The following PNISR variants were observed in gnomAD, a reference collection of about 807,000 sequenced individuals.
PNISR encodes the protein arginine/serine-rich protein PNISR.
PNISR carries 20 observed loss-of-function variants against 93.4 expected under a neutral mutation model. The ratio of observed to expected loss-of-function variants is 0.21; its 90% confidence interval spans 0.15 to 0.31. PNISR has a LOEUF of 0.31. PNISR is among the 10% of genes least tolerant of loss of function. PNISR has a pLI of 1.00. For synonymous variants in PNISR, 305 were observed against 306.5 expected (o/e 0.99, Z 0.05); for missense variants, 893 against 985.4 (o/e 0.91, Z 1.25).
intron 1 of PNISR, among the ~76,000 whole-genome samples, chr6:99,419,879 A>T (rs566468814): frequency 6.6e-6 from 1 of 151,488 alleles, no homozygotes; most frequent in African/African-American, 2.4e-5. Flanking sequence ...TTTTCTATAC[A>T]TAACTGCATT....
intron 4 of PNISR, 54 bp from the exon 5 acceptor site, chr6:99,411,018 C>T (rs1240665021): frequency 1.5e-6 from 2 of 1,331,100 alleles, no homozygotes; most frequent in Non-Finnish European, 2.1e-6. Flanking sequence ...ACAAAATCAA[C>T]ACAGAATTTT....
rs1779339941 is a variant in PNISR, at chr6:99,425,185, G to A, written c.-112+30C>T. 4 of 1,221,426 alleles carry A rather than the reference G, an allele frequency of 3.3e-6. No individual in the cohort carries two copies. In the African/African-American group the frequency reaches 4.7e-5, roughly 14 times the overall value. 75.7% of individuals were successfully genotyped at this position (1,221,426 alleles called of 1,614,324 possible). On this transcript the variant is annotated intron_variant, in intron 1 of 11. Coordinates refer to ENST00000369239, the MANE Select transcript of PNISR (RefSeq NM_032870.4). ...AGAACGTTGTAATGGTCCGGCAAGT[G>A]CCCACGTATAATTGTTCTCCATCAC...
rs550706477 is a variant in PNISR, at chr6:99,411,511, C to G, written c.278-547G>C. On this transcript the variant is annotated intron_variant, in intron 4 of 11. Transcript: ENST00000369239. ...TTAAACTTAGGAACTAAAACATTTT[C>G]AAATGTGGGGAAATTTCACTTTCAA... Among the ~76,000 whole-genome samples, 12 of 152,288 alleles carry G rather than the reference C, an allele frequency of 7.9e-5. No homozygotes were observed. In the South Asian group the frequency reaches 2.5e-3, roughly 32 times the overall value.
chr6:99,402,829 C>T (rs1359788533), intron 10 of PNISR, 119 bp from the exon 11 acceptor site: 1 of 712,020 alleles, frequency 1.4e-6, no homozygotes, highest in Non-Finnish European at 2.2e-6. Flanking sequence ...GAAGAATACG[C>T]TTATTCGGGG....
At chr6:99,404,822 A>G in intron 8 of PNISR, 120 bp from the exon 9 acceptor site, 1 of 583,304 alleles carries the variant, frequency 1.7e-6, no homozygotes, top group Non-Finnish European at 3.1e-6. Flanking sequence ...TCTGTTGCCC[A>G]GGCTGGATCA....
In PNISR at chr6:99,414,690, T is replaced by C. The variant is rs1286022320; in HGVS notation, c.-31A>G. ...CTTTTAAAATATACTTGATTTTCTA[T>C]CTTCAATAAATTAAACATAGTTTAA... On this transcript the variant is annotated splice_region_variant and 5_prime_UTR_variant, in exon 3 of 12. Transcript: ENST00000369239. 4 of 1,389,870 alleles carry C rather than the reference T, an allele frequency of 2.9e-6. No individual in the cohort carries two copies. The highest frequency in any genetic ancestry group is 1.9e-5 in the Admixed American group (1 of 53,044). The allele number at this position is 1,389,870 out of a possible 1,614,324, so 86.1% of individuals were successfully genotyped here.
intron 10 of PNISR, 26 bp from the exon 11 acceptor site, chr6:99,402,736 A>G: frequency 4.7e-6 from 7 of 1,500,566 alleles, no homozygotes; most frequent in Non-Finnish European, 6.3e-6. Context: ...TCAGTCTATC[A>G]TATGAAAAAA....
chr6:99,406,542 A>G (rs1776176535), intron 7 of PNISR, among the ~76,000 whole-genome samples: 1 of 152,200 alleles, frequency 6.6e-6, no homozygotes, highest in Non-Finnish European at 1.5e-5. Context: ...AATGGACCAT[A>G]GACATATTAT....
chr6:99,409,163 A>G lies in PNISR; in HGVS notation c.673+10T>C. ...CAATTGTGGTCCACTAAACTAAGTT[A>G]AATAGCTACCAATTTGTGGAGGCTC... is the stretch of plus-strand genomic sequence containing the variant. On this transcript the variant is annotated intron_variant, in intron 6 of 11. Coordinates refer to ENST00000369239, the MANE Select transcript of PNISR (RefSeq NM_032870.4). 6.2e-7 allele frequency: 1 copy of G among 1,610,218 alleles called. No homozygotes were observed. Among genetic ancestry groups the G allele is most frequent in the Non-Finnish European group, 8.5e-7 (1 of 1,176,700 alleles).
intron 6 of PNISR, 72 bp downstream of exon 6, chr6:99,409,101 A>C: frequency 8.1e-7 from 1 of 1,239,214 alleles, no homozygotes; most frequent in Non-Finnish European, 1.2e-6. Context: ...ATTTTAAGAA[A>C]ACAAGACATC....
In PNISR at chr6:99,403,888, T is replaced by C; in HGVS notation, c.1103-6A>G. ...TGCCAGCTGTTTTGCAGGAGCTTTG[T>C]ATCACATCAACAACAGGAACAACAT... On this transcript the variant is annotated splice_polypyrimidine_tract_variant and splice_region_variant and intron_variant, in intron 9 of 11. Coordinates refer to ENST00000369239, the MANE Select transcript of PNISR (RefSeq NM_032870.4). 1.2e-6 allele frequency: 2 copies of C among 1,610,354 alleles called. No individual in the cohort carries two copies. The highest frequency in any genetic ancestry group is 1.7e-6 in the Non-Finnish European group (2 of 1,177,038).
chr6:99,419,290 A>G (rs1778232183), intron 1 of PNISR, among the ~76,000 whole-genome samples: 1 of 151,768 alleles, frequency 6.6e-6, no homozygotes, highest in Non-Finnish European at 1.5e-5. Flanking sequence ...GTGAATATTC[A>G]TACCATAATT....
At chr6:99,405,427 A>C (rs1275785708) in intron 8 of PNISR, among the ~76,000 whole-genome samples, 1 of 151,970 alleles carries the variant, frequency 6.6e-6, no homozygotes, top group Non-Finnish European at 1.5e-5. Flanking sequence ...AGATCCTGCC[A>C]TTGCACTCCA....
chr6:99,420,426 C>T (rs1371803606), intron 1 of PNISR, among the ~76,000 whole-genome samples: 1 of 152,204 alleles, frequency 6.6e-6, no homozygotes, highest in Non-Finnish European at 1.5e-5. Flanking sequence ...TATGTTTCAG[C>T]ACATAGCACA....
intron 5 of PNISR, chr6:99,410,499 A>AT (rs1425915723): frequency 2.1e-6 from 1 of 485,890 alleles, no homozygotes; most frequent in Non-Finnish European, 3.7e-6. Context: ...GCACTTATAC[A>AT]TTTTTAATTT....
chr6:99,400,485 G>T lies in PNISR; in HGVS notation c.*55C>A. 6.4e-7 allele frequency: 1 copy of T among 1,558,638 alleles called. No homozygotes were observed. On this transcript the variant is annotated 3_prime_UTR_variant, in exon 12 of 12. Coordinates refer to ENST00000369239, the MANE Select transcript of PNISR (RefSeq NM_032870.4). The stretch of plus-strand genomic sequence containing the variant: ...AGAGAGAAAGGACACTTTCAACTTT[G>T]AATAAATTCAGTCAATTTTTTTTAA...
intron 1 of PNISR, among the ~76,000 whole-genome samples, chr6:99,419,291 T>C (rs1386912657): frequency 1.4e-5 from 2 of 147,406 alleles, no homozygotes; most frequent in African/African-American, 5.0e-5. Flanking sequence ...TGAATATTCA[T>C]ACCATAATTC....
chr6:99,400,416 G>A lies in PNISR; in HGVS notation c.*124C>T, dbSNP rs1389366115. 3.8e-6 allele frequency: 5 copies of A among 1,328,416 alleles called. No homozygotes were observed. In the African/African-American group the frequency reaches 5.9e-5, roughly 16 times the overall value. 82.3% of individuals were successfully genotyped at this position (1,328,416 alleles called of 1,614,324 possible). A position where few individuals can be genotyped will look rare whatever the true frequency, so the allele number is the denominator to read the frequency against. On this transcript the variant is annotated 3_prime_UTR_variant, in exon 12 of 12. Transcript: ENST00000369239. ...ATTATATAGGATTTCTAACATTTAA[G>A]ACTATGATTATTTATCAAGTACCAA...
rs1775250089 is a variant in PNISR at position 99,399,809 on chromosome 6, T to C, written c.*731A>G. The stretch of plus-strand genomic sequence containing the variant: ...TTGGAATCTGGCAAAAGTCCATGGG[T>C]ACAATTTACAAACTTTGACAAACTA... On this transcript the variant is annotated 3_prime_UTR_variant, in exon 12 of 12. Coordinates refer to ENST00000369239, the MANE Select transcript of PNISR (RefSeq NM_032870.4). 1.3e-5 allele frequency: 2 copies of C among 152,200 alleles called. No homozygotes were observed. Among genetic ancestry groups the C allele is most frequent in the Admixed American group, 6.5e-5 (1 of 15,284 alleles). The allele number at this position is 152,200 out of a possible 1,614,324, so 9.4% of individuals were successfully genotyped here.
Sources: gnomAD v4.1 joint callset for allele counts (sites outside exome capture counted in the v4.1 genomes callset) on GRCh38, gnomAD v4.1.1 for gene constraint, MANE v1.5 for transcripts, NCBI Gene and HGNC (gene_info 2026-07-23, HGNC 2026-07-21) for gene names.